The following ANK3 variants were observed in gnomAD, a reference collection of about 807,000 sequenced individuals.
ANK3 encodes ankyrin 3, also known as ankyrin-3.
In ANK3, 57 loss-of-function variants were observed where a neutral mutation model predicts 370.9. The observed-to-expected ratio is 0.15, with a 90% CI of 0.12 to 0.19. The LOEUF is 0.19. Among genes scored for constraint, ANK3 ranks in the 10% least tolerant of loss-of-function variants. The probability of loss-of-function intolerance (pLI) is 1.00; values close to 1 mark genes in which losing one functional copy is unlikely to be tolerated. For synonymous variants in ANK3, 1,929 were observed against 1,946.3 expected (o/e 0.99, Z 0.23); for missense variants, 4,439 against 5,302.1 (o/e 0.84, Z 5.06).
intron 1 of ANK3, among the ~76,000 whole-genome samples, chr10:60,306,085 G>A (rs2045002239): frequency 6.6e-6 from 1 of 152,018 alleles, no homozygotes; most frequent in Non-Finnish European, 1.5e-5. Flanking sequence ...GGTTTTTGGA[G>A]TAAAGGTGGT....
chr10:60,556,298 G>A (rs1453488461), intron 2 of ANK3, among the ~76,000 whole-genome samples: 1 of 152,160 alleles, frequency 6.6e-6, no homozygotes, highest in African/African-American at 2.4e-5. Flanking sequence ...CCGGCCTGCT[G>A]TAAATTTTTT....
intron 2 of ANK3, among the ~76,000 whole-genome samples, chr10:60,455,805 G>A (rs527343185): frequency 1.3e-5 from 2 of 152,088 alleles, no homozygotes; most frequent in Admixed American, 1.3e-4. Flanking sequence ...TCGGCTATTC[G>A]TCTAAGAATA....
chr10:60,430,213 C>A (rs533598312), intron 2 of ANK3, among the ~76,000 whole-genome samples: 1 of 152,206 alleles, frequency 6.6e-6, no homozygotes, highest in Non-Finnish European at 1.5e-5. Flanking sequence ...GAAAGTCTGC[C>A]TGAAGGCTGA....
chr10:60,284,223 G>A (rs1382062320), intron 1 of ANK3, among the ~76,000 whole-genome samples: 1 of 152,122 alleles, frequency 6.6e-6, no homozygotes, highest in East Asian at 1.9e-4. Flanking sequence ...AGGCAAGGAA[G>A]AATTCTGCCC....
At chr10:60,055,513 T>TC in intron 42 of ANK3, 145 bp downstream of exon 42, 1 of 1,114,162 alleles carries the variant, frequency 9.0e-7, no homozygotes. Flanking sequence ...TTTCTTTACC[T>TC]CCACCATTAG....
At chr10:60,189,504 A>T (rs2096429171) in intron 16 of ANK3, among the ~76,000 whole-genome samples, 2 of 152,248 alleles carry the variant, frequency 1.3e-5, no homozygotes, top group Admixed American at 1.3e-4. Flanking sequence ...AAAGCAAGGG[A>T]AAAGTGACTC....
At position 60,278,306 on chromosome 10, in the gene ANK3, C is replaced by T. The variant is rs142220318; in HGVS notation, c.414+468G>A. On this transcript the variant is annotated intron_variant, in intron 4 of 43. Coordinates refer to ENST00000280772, the MANE Select transcript of ANK3 (RefSeq NM_020987.5). ...TGACTAGTATCTTTTATAGATAGGC[C>T]GCTTTAAAAATCTCTCTCTCACACA... Among the ~76,000 whole-genome samples, 943 of 152,154 alleles carry T rather than the reference C, an allele frequency of 6.2e-3. 5 individuals are homozygous for T. Among genetic ancestry groups the T allele is most frequent in the African/African-American group, 0.019 (773 of 41,510 alleles).
intron 1 of ANK3, among the ~76,000 whole-genome samples, chr10:60,681,187 A>G (rs1319000361): frequency 6.6e-6 from 1 of 152,154 alleles, no homozygotes; most frequent in African/African-American, 2.4e-5. Context: ...TTGGTCTCTC[A>G]TCATCTTGTT....
chr10:60,570,362 T>C (rs1158233098), intron 2 of ANK3, among the ~76,000 whole-genome samples: 1 of 152,178 alleles, frequency 6.6e-6, no homozygotes, highest in African/African-American at 2.4e-5. Context: ...TCCAGAAGAC[T>C]AACTTCCAAC....
intron 2 of ANK3, among the ~76,000 whole-genome samples, chr10:60,486,326 C>T (rs575972897): frequency 6.6e-6 from 1 of 152,168 alleles, no homozygotes; most frequent in African/African-American, 2.4e-5. Context: ...TGCCTGTAAT[C>T]CCAGCACTTT....
intron 2 of ANK3, among the ~76,000 whole-genome samples, chr10:60,509,464 G>C (rs2076024935): frequency 6.6e-6 from 1 of 152,108 alleles, no homozygotes; most frequent in African/African-American, 2.4e-5. Context: ...ACATGTTCAA[G>C]AATGGCAAAG....
At chr10:60,091,863 T>TG (rs2088580339) in intron 28 of ANK3, among the ~76,000 whole-genome samples, 1 of 151,920 alleles carries the variant, frequency 6.6e-6, no homozygotes, top group Admixed American at 6.6e-5. Context: ...CCCGAGTAGC[T>TG]GGGACTACAG....
intron 7 of ANK3, among the ~76,000 whole-genome samples, chr10:60,251,799 C>A (rs1178851798): frequency 6.6e-6 from 1 of 152,194 alleles, no homozygotes; most frequent in Non-Finnish European, 1.5e-5. Flanking sequence ...TCATTCTATC[C>A]ACTTAAAGAC....
intron 7 of ANK3, among the ~76,000 whole-genome samples, chr10:60,236,011 A>G (rs2097327166): frequency 6.6e-6 from 1 of 152,228 alleles, no homozygotes; most frequent in South Asian, 2.1e-4. Flanking sequence ...TGAATGCATG[A>G]TTTTAAAAAA....
At chr10:60,606,688 G>C (rs1247013163) in intron 2 of ANK3, among the ~76,000 whole-genome samples, 2 of 152,124 alleles carry the variant, frequency 1.3e-5, no homozygotes, top group African/African-American at 4.8e-5. Context: ...GTCTTTATCA[G>C]GGAGCATGGA....
chr10:60,048,295 G>A (rs2077276487), intron 42 of ANK3, among the ~76,000 whole-genome samples: 1 of 152,210 alleles, frequency 6.6e-6, no homozygotes. Flanking sequence ...CAGCATCCAT[G>A]AGGTAAGTCA....
At chr10:60,687,791 G>A (rs115941165) in intron 1 of ANK3, among the ~76,000 whole-genome samples, 6,122 of 152,236 alleles carry the variant, frequency 0.04, 158 homozygotes, top group Middle Eastern at 0.071. Flanking sequence ...ATTCACAATA[G>A]CAAAGATGTG....
chr10:60,226,490 CATATACTATAGTATATATACATAGTAT>C (rs1348723107), intron 8 of ANK3, among the ~76,000 whole-genome samples: 895 of 63,318 alleles, frequency 0.014, 19 homozygotes, highest in African/African-American at 0.066. Flanking sequence ...TATATATATA[CATATACTATAGTATATATACATAGTAT>C]ATATACTATA....
intron 1 of ANK3, among the ~76,000 whole-genome samples, chr10:60,309,209 GC>G (rs1382129223): frequency 6.6e-6 from 1 of 152,130 alleles, no homozygotes; most frequent in Non-Finnish European, 1.5e-5. Context: ...ATTTTTATAA[GC>G]CCAAATCACA....
Sources: gnomAD v4.1 joint callset for allele counts (sites outside exome capture counted in the v4.1 genomes callset) on GRCh38, gnomAD v4.1.1 for gene constraint, MANE v1.5 for transcripts, NCBI Gene and HGNC (gene_info 2026-07-23, HGNC 2026-07-21) for gene names.